The following KCNMA1 variants were observed in gnomAD, a reference collection of about 807,000 sequenced individuals.
KCNMA1 encodes the protein Calcium-activated potassium channel subunit alpha-1.
In KCNMA1, 29 loss-of-function variants were observed where a neutral mutation model predicts 140.0. The ratio of observed to expected loss-of-function variants is 0.21; its 90% CI spans 0.15 to 0.28. The LOEUF is 0.28. KCNMA1 is among the 10% of genes least tolerant of loss of function. The pLI, the probability that KCNMA1 is intolerant of heterozygous loss-of-function variation, is 1.00. For missense variants in KCNMA1, 880 were observed against 1,602.2 expected, an observed-to-expected ratio of 0.55 and a Z score of 7.70; for synonymous variants, 612 against 611.9, an observed-to-expected ratio of 1.00 and a Z score of 0.00.
chr10:76,943,980 T>C (rs2063274608), intron 23 of KCNMA1, among the ~76,000 whole-genome samples: 1 of 152,194 alleles, frequency 6.6e-6, no homozygotes, highest in East Asian at 1.9e-4. Context: ...AATGCCACCC[T>C]CTGGCAGCTC....
rs570988924 is a variant in KCNMA1, at chr10:76,949,081, C to T, written c.2709+61G>A. ...CAAAGCTACAACTATTATATCCATC[C>T]GGGATTTTCTTTTGTGAATGAAAAG... On this transcript the variant is annotated intron_variant, in intron 22 of 27. Transcript: ENST00000286628. The T allele has an allele frequency of 7.3e-5, 94 of 1,283,082 alleles. 1 individual carries two copies. The highest frequency in any genetic ancestry group is 2.3e-4 in the Admixed American group (14 of 59,610). 79.5% of individuals were successfully genotyped at this position (1,283,082 alleles called of 1,614,324 possible).
chr10:77,411,895 C>A (rs879618374), intron 1 of KCNMA1, among the ~76,000 whole-genome samples: 4 of 152,210 alleles, frequency 2.6e-5, no homozygotes, highest in Non-Finnish European at 5.9e-5. Flanking sequence ...CTGCTAAGAA[C>A]CACGGTTCTC....
At chr10:77,374,505 C>T (rs1206907189) in intron 2 of KCNMA1, among the ~76,000 whole-genome samples, 1 of 152,234 alleles carries the variant, frequency 6.6e-6, no homozygotes, top group African/African-American at 2.4e-5. Context: ...TAAACATTTA[C>T]ACATTTCTCC....
At chr10:77,213,389 G>A (rs2046728221) in intron 3 of KCNMA1, among the ~76,000 whole-genome samples, 1 of 152,006 alleles carries the variant, frequency 6.6e-6, no homozygotes, top group Non-Finnish European at 1.5e-5. Context: ...TCCTCATGAG[G>A]GCAGGAGCAC....
At position 76,895,153 on chromosome 10, in the gene KCNMA1, T is replaced by C. The variant is rs557306238; in HGVS notation, c.3148-3434A>G. The stretch of plus-strand genomic sequence containing the variant: ...CCGGTGCATGCCGCCCCTAGTCACG[T>C]ACCCCCTGCTTGCTCAATCGATCAC... On this transcript the variant is annotated intron_variant, in intron 25 of 27. Transcript: ENST00000286628. Among the ~76,000 whole-genome samples, 252 of 152,304 alleles carry C rather than the reference T, an allele frequency of 1.7e-3. 1 individual carries two copies. The highest frequency in any genetic ancestry group is 5.8e-3 in the African/African-American group (243 of 41,578).
intron 1 of KCNMA1, among the ~76,000 whole-genome samples, chr10:77,501,644 C>T (rs1285026568): frequency 6.6e-6 from 1 of 152,198 alleles, no homozygotes; most frequent in East Asian, 1.9e-4. Context: ...CAGAGCTGAG[C>T]AGAGGCTGAC....
chr10:77,079,631 A>T, intron 12 of KCNMA1, 81 bp from the exon 13 acceptor site: 1 of 974,098 alleles, frequency 1.0e-6, no homozygotes, highest in South Asian at 1.3e-5. Flanking sequence ...ACTGTCTCCA[A>T]ATGGGGTACC....
chr10:76,915,176 G>A, intron 23 of KCNMA1, 127 bp from the exon 24 acceptor site: 1 of 684,006 alleles, frequency 1.5e-6, no homozygotes, highest in Non-Finnish European at 2.7e-6. Context: ...TCAACAATTA[G>A]TATTCCCGGG....
downstream of KCNMA1, among the ~76,000 whole-genome samples, chr10:76,882,762 C>T (rs1460945230): frequency 6.6e-6 from 1 of 152,168 alleles, no homozygotes; most frequent in African/African-American, 2.4e-5. Flanking sequence ...TTCGGATAAT[C>T]CCTCTCACCT....
chr10:77,528,309 T>C (rs1363581326), intron 1 of KCNMA1, among the ~76,000 whole-genome samples: 1 of 152,124 alleles, frequency 6.6e-6, no homozygotes, highest in African/African-American at 2.4e-5. Flanking sequence ...CCTAGGCATA[T>C]ACCCCAAATC....
intron 2 of KCNMA1, among the ~76,000 whole-genome samples, chr10:77,338,959 T>C (rs868714461): frequency 1.3e-5 from 2 of 152,180 alleles, no homozygotes; most frequent in Non-Finnish European, 2.9e-5. Flanking sequence ...CAGATGCGTC[T>C]CTAGAGATGT....
chr10:76,938,253 A>G (rs900266962), intron 23 of KCNMA1, among the ~76,000 whole-genome samples: 3 of 152,118 alleles, frequency 2.0e-5, no homozygotes, highest in Admixed American at 1.3e-4. Flanking sequence ...TTTCATGCCC[A>G]TCTGGATTTT....
chr10:76,936,202 A>G (rs934114555), intron 23 of KCNMA1, among the ~76,000 whole-genome samples: 5 of 152,222 alleles, frequency 3.3e-5, no homozygotes, highest in African/African-American at 1.2e-4. Flanking sequence ...GAAGAAATGT[A>G]ACAGGGCAGG....
chr10:77,061,843 T>C (rs1169994810), intron 14 of KCNMA1, among the ~76,000 whole-genome samples: 1 of 152,218 alleles, frequency 6.6e-6, no homozygotes, highest in Non-Finnish European at 1.5e-5. Flanking sequence ...GGAATACTGA[T>C]ACATGCAACA....
At chr10:77,613,709 AACTT>A in intron 1 of KCNMA1, among the ~76,000 whole-genome samples, 1 of 152,126 alleles carries the variant, frequency 6.6e-6, no homozygotes, top group East Asian at 1.9e-4. Flanking sequence ...TCCTCTATCC[AACTT>A]GCTGCAGTTC....
At chr10:77,342,303 T>G (rs1348572790) in intron 2 of KCNMA1, among the ~76,000 whole-genome samples, 1 of 152,236 alleles carries the variant, frequency 6.6e-6, no homozygotes, top group Non-Finnish European at 1.5e-5. Context: ...GCCAGGCACA[T>G]GCAAGGGCTT....
In KCNMA1 at chr10:77,528,271, C is replaced by T. The variant is rs544680475; in HGVS notation, c.378+108994G>A. 1.2e-4 allele frequency among the ~76,000 whole-genome samples: 18 copies of T among 152,252 alleles called. No homozygotes were observed. In the South Asian group the frequency reaches 2.5e-3, roughly 21 times the overall value. On this transcript the variant is annotated intron_variant, in intron 1 of 27. Transcript: ENST00000286628. ...AATTTCCTCAATAAGTTAAACACAG[C>T]ATTACCATAGGATCTAGCAATCCCA...
intron 3 of KCNMA1, among the ~76,000 whole-genome samples, chr10:77,195,831 C>T (rs918192245): frequency 6.6e-6 from 1 of 152,092 alleles, no homozygotes; most frequent in African/African-American, 2.4e-5. Flanking sequence ...CACCTGTAGT[C>T]CCAGCTACTC....
chr10:76,918,918 T>TCACACACACACACACACA (rs71477059), intron 23 of KCNMA1, among the ~76,000 whole-genome samples: 2 of 144,252 alleles, frequency 1.4e-5, no homozygotes, highest in African/African-American at 2.5e-5. Context: ...ATATATCACA[T>TCACACACACACACACACA]CACACACACA....
Sources: allele counts gnomAD v4.1 joint callset (sites outside exome capture counted in the v4.1 genomes callset), GRCh38; gene constraint gnomAD v4.1.1; transcripts MANE v1.5; gene names NCBI Gene and HGNC (gene_info 2026-07-23, HGNC 2026-07-21).